The following CDH13 variants were observed in gnomAD, a reference collection of about 807,000 sequenced individuals.
CDH13 encodes the protein cadherin-13.
In CDH13, 24 loss-of-function variants were observed where a neutral mutation model predicts 63.8. The observed-to-expected ratio is 0.38, with a 90% CI of 0.27 to 0.53. The LOEUF (loss-of-function observed/expected upper bound fraction) is 0.53, where lower values mean the gene tolerates loss of function less well. CDH13 is among the 20% of genes least tolerant of loss of function. The pLI is 0.85. For synonymous variants in CDH13, 503 were observed against 355.3 expected (o/e 1.42, Z -4.67); for missense variants, 1,049 against 903.1 (o/e 1.16, Z -2.07).
intron 10 of CDH13, among the ~76,000 whole-genome samples, chr16:83,694,932 C>A (rs1284556769): frequency 2.6e-5 from 4 of 152,100 alleles, no homozygotes; most frequent in Non-Finnish European, 4.4e-5. Context: ...ATTAGCCAGG[C>A]ACGGTGGTTC....
Position 83,076,135 on chromosome 16 carries a change from G to C in CDH13, c.366+43917G>C, listed in dbSNP as rs2032818919. On this transcript the variant is annotated intron_variant, in intron 3 of 13. Coordinates refer to ENST00000567109, the MANE Select transcript of CDH13 (RefSeq NM_001257.5). ...AAAAAAAGTAAATGAGCTATGATGA[G>C]ACCAAGTGGCCCATATGGGTATCAA... 2.6e-5 allele frequency among the ~76,000 whole-genome samples: 4 copies of C among 152,250 alleles called. No homozygotes were observed. The South Asian group carries it at 8.3e-4, about 32-fold the overall frequency.
chr16:83,289,444 C>G (rs1456342663), intron 5 of CDH13, among the ~76,000 whole-genome samples: 1 of 152,076 alleles, frequency 6.6e-6, no homozygotes, highest in Admixed American at 6.6e-5. Flanking sequence ...TAGTGTGGAA[C>G]CCAGATATTG....
intron 10 of CDH13, among the ~76,000 whole-genome samples, chr16:83,679,462 C>G (rs981725271): frequency 6.6e-6 from 1 of 152,224 alleles, no homozygotes; most frequent in African/African-American, 2.4e-5. Flanking sequence ...ACTGAGTCAA[C>G]CACTTTACTT....
At chr16:82,649,041 A>G (rs1170018268) in intron 1 of CDH13, among the ~76,000 whole-genome samples, 1 of 152,074 alleles carries the variant, frequency 6.6e-6, no homozygotes, top group African/African-American at 2.4e-5. Context: ...ATTTTAAAGC[A>G]TTTTGAATGG....
chr16:83,552,282 G>T (rs759095457), intron 7 of CDH13, among the ~76,000 whole-genome samples: 22 of 152,114 alleles, frequency 1.4e-4, no homozygotes, highest in Admixed American at 2.0e-4. Context: ...GTTTGAGGGA[G>T]GTCAGAATGG....
chr16:83,581,718 C>G (rs182546909), intron 7 of CDH13, among the ~76,000 whole-genome samples: 81 of 152,228 alleles, frequency 5.3e-4, no homozygotes, highest in African/African-American at 1.8e-3. Flanking sequence ...GCTAGGGAGA[C>G]TGAGGTGGGA....
intron 9 of CDH13, among the ~76,000 whole-genome samples, chr16:83,674,412 T>C (rs1567506181): frequency 6.6e-6 from 1 of 152,214 alleles, no homozygotes; most frequent in Non-Finnish European, 1.5e-5. Context: ...AAGGTGCTCT[T>C]ATGAGACCCT....
chr16:82,898,240 C>T (rs954407231), intron 2 of CDH13, among the ~76,000 whole-genome samples: 3 of 152,116 alleles, frequency 2.0e-5, no homozygotes, highest in African/African-American at 7.2e-5. Flanking sequence ...TAAAAATGAA[C>T]ATGGCCGGGC....
At chr16:83,765,435 G>A (rs1053243539) in intron 11 of CDH13, among the ~76,000 whole-genome samples, 3 of 151,994 alleles carry the variant, frequency 2.0e-5, no homozygotes, top group African/African-American at 7.3e-5. Context: ...GTGGATAATT[G>A]CTTCAGTTCT....
chr16:82,666,325 T>C (rs1912578769), intron 1 of CDH13, among the ~76,000 whole-genome samples: 2 of 152,236 alleles, frequency 1.3e-5, no homozygotes, highest in African/African-American at 4.8e-5. Flanking sequence ...GTAACAGCAC[T>C]GCTTTGGTAA....
intron 1 of CDH13, among the ~76,000 whole-genome samples, chr16:82,750,316 C>G (rs1221560638): frequency 2.0e-5 from 3 of 149,104 alleles, no homozygotes; most frequent in Admixed American, 1.3e-4. Flanking sequence ...GGAAGGATGT[C>G]TGGTCTTTAA....
chr16:82,700,473 A>G (rs2030848282), intron 1 of CDH13, among the ~76,000 whole-genome samples: 1 of 152,174 alleles, frequency 6.6e-6, no homozygotes, highest in Non-Finnish European at 1.5e-5. Context: ...TTCAAATAAT[A>G]AAGTCAAACT....
At chr16:83,520,654 C>A (rs2074809637) in intron 7 of CDH13, among the ~76,000 whole-genome samples, 1 of 152,154 alleles carries the variant, frequency 6.6e-6, no homozygotes, top group Non-Finnish European at 1.5e-5. Context: ...GCTCAATTGC[C>A]AATTTTGATT....
intron 7 of CDH13, among the ~76,000 whole-genome samples, chr16:83,539,863 C>G (rs1024323498): frequency 2.0e-5 from 3 of 152,064 alleles, no homozygotes; most frequent in Non-Finnish European, 1.5e-5. Context: ...AAGAAGGGCT[C>G]CAGCAGTCAG....
intron 1 of CDH13, among the ~76,000 whole-genome samples, chr16:82,650,674 C>T (rs145632898): frequency 6.6e-6 from 1 of 152,240 alleles, no homozygotes; most frequent in East Asian, 1.9e-4. Context: ...CCTTGGTTTC[C>T]AGAAAACTGT....
intron 1 of CDH13, among the ~76,000 whole-genome samples, chr16:82,724,641 C>G (rs149239344): frequency 1.3e-5 from 2 of 152,096 alleles, no homozygotes; most frequent in Non-Finnish European, 2.9e-5. Context: ...TGTGTGTGCA[C>G]ATGTGTGAAG....
chr16:82,842,139 CACATATATATATAT>C (rs2039052603), intron 1 of CDH13, among the ~76,000 whole-genome samples: 3 of 57,128 alleles, frequency 5.3e-5, no homozygotes, highest in South Asian at 9.5e-4. Context: ...TATATATATA[CACATATATATATAT>C]ATATATATAT....
chr16:82,861,144 C>A (rs558522728), intron 2 of CDH13, among the ~76,000 whole-genome samples: 1 of 152,218 alleles, frequency 6.6e-6, no homozygotes, highest in African/African-American at 2.4e-5. Flanking sequence ...TCATTGTATA[C>A]CAAAGATCCA....
At chr16:83,324,966 C>A (rs1430755468) in intron 5 of CDH13, among the ~76,000 whole-genome samples, 1 of 152,188 alleles carries the variant, frequency 6.6e-6, no homozygotes, top group Non-Finnish European at 1.5e-5. Context: ...CCACTTCTGT[C>A]ACTCTACTTG....
Sources: gnomAD v4.1 joint callset for allele counts (sites outside exome capture counted in the v4.1 genomes callset) on GRCh38, gnomAD v4.1.1 for gene constraint, MANE v1.5 for transcripts, NCBI Gene and HGNC (gene_info 2026-07-23, HGNC 2026-07-21) for gene names.